Variants in HHAT observed in about 807,000 individuals in gnomAD.
The protein encoded by HHAT is hedgehog acyltransferase.
In HHAT, 47 loss-of-function variants were observed where a neutral mutation model predicts 70.8. The ratio of observed to expected loss-of-function variants is 0.66; its 90% confidence interval spans 0.53 to 0.85. HHAT has a LOEUF of 0.85. HHAT is among the 40% of genes least tolerant of loss of function. The pLI, the probability that HHAT is intolerant of heterozygous loss-of-function variation, is 0.00. For missense variants in HHAT, 609 were observed against 604.8 expected (o/e 1.01, Z -0.07); for synonymous variants, 228 against 247.6 (o/e 0.92, Z 0.74).
intron 8 of HHAT, among the ~76,000 whole-genome samples, chr1:210,488,371 C>T (rs1186494958): frequency 6.6e-6 from 1 of 152,166 alleles, no homozygotes. Flanking sequence ...TTACTTTTTG[C>T]TGTAGCACTT....
intron 11 of HHAT, among the ~76,000 whole-genome samples, chr1:210,655,673 G>T (rs28638193): frequency 6.6e-6 from 1 of 152,182 alleles, no homozygotes; most frequent in East Asian, 1.9e-4. Context: ...AACCGAAGTG[G>T]AAAAAATGTA....
chr1:210,602,317 GCA>G (rs1428547507), intron 10 of HHAT, among the ~76,000 whole-genome samples: 2 of 152,092 alleles, frequency 1.3e-5, no homozygotes, highest in Admixed American at 6.5e-5. Flanking sequence ...CCAGAATGAG[GCA>G]CAGAGGCCCC....
chr1:210,544,459 G>T (rs548265701), intron 9 of HHAT, among the ~76,000 whole-genome samples: 39 of 137,482 alleles, frequency 2.8e-4, no homozygotes, highest in South Asian at 1.9e-3. Context: ...TGCAACCTCT[G>T]CCTCCCGGGT....
rs903067634 is a variant in HHAT at position 210,475,826 on chromosome 1, G to A, written c.1007+11171G>A. ...TTGTGAGCAGCCAGACAACCACTAGGAATGAGGGATTGCTGAGAACAAAAT... is the reference window on the plus strand; with the variant it reads ...TTGTGAGCAGCCAGACAACCACTAGAAATGAGGGATTGCTGAGAACAAAAT... On this transcript the variant is annotated intron_variant, in intron 8 of 11. Transcript: ENST00000261458. Among the ~76,000 whole-genome samples, 3 of 152,064 alleles carry A rather than the reference G, an allele frequency of 2.0e-5. No individual in the cohort carries two copies. The East Asian group carries it at 5.8e-4, about 29-fold the overall frequency.
At chr1:210,374,696 A>T (rs1420323014) in intron 3 of HHAT, among the ~76,000 whole-genome samples, 1 of 151,702 alleles carries the variant, frequency 6.6e-6, no homozygotes, top group Non-Finnish European at 1.5e-5. Flanking sequence ...TTACACATTT[A>T]CAGGAAGTTG....
intron 9 of HHAT, among the ~76,000 whole-genome samples, chr1:210,582,162 A>G (rs1659409522): frequency 1.3e-5 from 2 of 152,190 alleles, no homozygotes; most frequent in Non-Finnish European, 1.5e-5. Flanking sequence ...ATCAGGGAGG[A>G]TGGAGCAGTG....
intron 10 of HHAT, among the ~76,000 whole-genome samples, chr1:210,616,846 T>C (rs76760432): frequency 0.017 from 2,561 of 152,336 alleles, 68 homozygotes; most frequent in African/African-American, 0.058. Context: ...TTACCTACTT[T>C]ACAGTATAAG....
intron 7 of HHAT, among the ~76,000 whole-genome samples, chr1:210,437,225 A>G (rs2093399162): frequency 6.6e-6 from 1 of 152,022 alleles, no homozygotes; most frequent in African/African-American, 2.4e-5. Flanking sequence ...CTGCTTTTGA[A>G]TGATGGGATA....
chr1:210,394,550 A>T (rs2091669617), intron 4 of HHAT, among the ~76,000 whole-genome samples: 1 of 152,110 alleles, frequency 6.6e-6, no homozygotes, highest in African/African-American at 2.4e-5. Flanking sequence ...CCCCGTGTGA[A>T]CTTTTTGAGA....
At chr1:210,514,304 A>T (rs1007810912) in intron 9 of HHAT, among the ~76,000 whole-genome samples, 1 of 152,198 alleles carries the variant, frequency 6.6e-6, no homozygotes, top group African/African-American at 2.4e-5. Context: ...TTTCTCCAGG[A>T]TCCAGACACA....
At chr1:210,546,726 A>G (rs978943232) in intron 9 of HHAT, among the ~76,000 whole-genome samples, 1 of 152,180 alleles carries the variant, frequency 6.6e-6, no homozygotes, top group Non-Finnish European at 1.5e-5. Context: ...AGGCACAGAG[A>G]AAAGCAAGGC....
intron 8 of HHAT, among the ~76,000 whole-genome samples, chr1:210,509,561 A>G (rs953313405): frequency 2.6e-5 from 4 of 152,198 alleles, no homozygotes; most frequent in Non-Finnish European, 5.9e-5. Flanking sequence ...TGTGGTGCAG[A>G]TGATAATAGT....
intron 11 of HHAT, among the ~76,000 whole-genome samples, chr1:210,626,465 G>C (rs1417274593): frequency 6.6e-6 from 1 of 152,140 alleles, no homozygotes; most frequent in East Asian, 1.9e-4. Context: ...AGCTTAGAAG[G>C]CTTTTTCTAT....
chr1:210,572,783 C>G (rs2148739799), intron 9 of HHAT, among the ~76,000 whole-genome samples: 1 of 152,152 alleles, frequency 6.6e-6, no homozygotes, highest in Middle Eastern at 3.4e-3. Context: ...GCGGTCCCAG[C>G]TACTCAGAAG....
intron 10 of HHAT, among the ~76,000 whole-genome samples, chr1:210,620,419 C>A (rs1573792750): frequency 6.6e-6 from 1 of 152,158 alleles, no homozygotes; most frequent in South Asian, 2.1e-4. Context: ...AGACTCCTGT[C>A]CCCTTTGCTG....
intron 8 of HHAT, among the ~76,000 whole-genome samples, chr1:210,480,283 G>T (rs927105118): frequency 6.6e-6 from 1 of 152,198 alleles, no homozygotes; most frequent in African/African-American, 2.4e-5. Flanking sequence ...CGGACAGACT[G>T]CAAGCTGAGG....
chr1:210,366,379 CCCAGCACTTGGGAAGGCTAAGA>C (rs1350114233), intron 3 of HHAT, among the ~76,000 whole-genome samples: 2 of 152,160 alleles, frequency 1.3e-5, no homozygotes, highest in Non-Finnish European at 2.9e-5. Flanking sequence ...CTCCTGTAAT[CCCAGCACTTGGGAAGGCTAAGA>C]CCAGCGATCA....
intron 11 of HHAT, among the ~76,000 whole-genome samples, chr1:210,632,275 G>A (rs1671018689): frequency 6.6e-6 from 1 of 152,208 alleles, no homozygotes; most frequent in Non-Finnish European, 1.5e-5. Context: ...TCATTGTCTA[G>A]GGTAAATACC....
At chr1:210,590,923 A>G (rs1435632181) in intron 10 of HHAT, among the ~76,000 whole-genome samples, 1 of 152,150 alleles carries the variant, frequency 6.6e-6, no homozygotes, top group Non-Finnish European at 1.5e-5. Flanking sequence ...TATCTTCTTT[A>G]CAAAAAATGT....
Sources: allele counts gnomAD v4.1 joint callset (sites outside exome capture counted in the v4.1 genomes callset), GRCh38; gene constraint gnomAD v4.1.1; transcripts MANE v1.5; gene names NCBI Gene and HGNC (gene_info 2026-07-23, HGNC 2026-07-21).